The following PEBP4 variants were observed in gnomAD, a reference collection of about 807,000 sequenced individuals.
The protein encoded by PEBP4 is phosphatidylethanolamine-binding protein 4.
In PEBP4, 22 loss-of-function variants were observed where a neutral mutation model predicts 23.9. The ratio of observed to expected loss-of-function variants is 0.92; its 90% CI spans 0.66 to 1.31. The LOEUF is 1.31. Among genes scored for constraint, PEBP4 ranks in the 40% most tolerant of loss-of-function variants. The probability of loss-of-function intolerance (pLI) is 0.00; values close to 1 mark genes in which losing one functional copy is unlikely to be tolerated. For missense variants in PEBP4, 324 were observed against 281.7 expected, an observed-to-expected ratio of 1.15 and a Z score of -1.07; for synonymous variants, 112 against 99.3, an observed-to-expected ratio of 1.13 and a Z score of -0.76.
intron 5 of PEBP4, among the ~76,000 whole-genome samples, chr8:22,726,571 A>G (rs1297037516): frequency 1.3e-5 from 2 of 152,238 alleles, no homozygotes; most frequent in African/African-American, 4.8e-5. Flanking sequence ...GGGTTCACAC[A>G]TGCTAGACCA....
chr8:22,811,279 A>C (rs149332429), intron 4 of PEBP4, among the ~76,000 whole-genome samples: 1 of 152,356 alleles, frequency 6.6e-6, no homozygotes, highest in East Asian at 1.9e-4. Context: ...CACTGCTCAC[A>C]TGGATAACAG....
chr8:22,750,392 G>T (rs538544717), intron 4 of PEBP4, among the ~76,000 whole-genome samples: 1 of 152,022 alleles, frequency 6.6e-6, no homozygotes, highest in Non-Finnish European at 1.5e-5. Flanking sequence ...GAGCCACCGC[G>T]CCCAGCCAGT....
chr8:22,713,260 AT>A lies in PEBP4; in HGVS notation c.*109del, dbSNP rs768291538. ...GATACAAAGCACCAAGCCCTGGATG[AT>A]TTTTTTTTTATTTGGAAAAGAAGGG... On this transcript the variant is annotated 3_prime_UTR_variant, in exon 7 of 7. Coordinates refer to ENST00000256404, the MANE Select transcript of PEBP4 (RefSeq NM_144962.3). 1.8e-3 allele frequency: 2,401 copies of A among 1,310,236 alleles called. No homozygotes were observed. The highest frequency in any genetic ancestry group is 5.0e-3 in the South Asian group (283 of 56,112). The allele number at this position is 1,310,236 out of a possible 1,614,324, so 81.2% of individuals were successfully genotyped here.
At chr8:22,727,258 T>C (rs754988599) in intron 4 of PEBP4, 38 bp from the exon 5 acceptor site, 28 of 1,608,914 alleles carry the variant, frequency 1.7e-5, no homozygotes, top group Non-Finnish European at 2.2e-5. Context: ...GGTTATGTCT[T>C]GGGCACACTT....
chr8:22,750,636 T>C (rs1008148478), intron 4 of PEBP4, among the ~76,000 whole-genome samples: 1 of 152,184 alleles, frequency 6.6e-6, no homozygotes, highest in Admixed American at 6.5e-5. Context: ...AGTTTGTTTT[T>C]TTTCCTTGAC....
chr8:22,927,074 C>T (rs765197822), intron 2 of PEBP4, among the ~76,000 whole-genome samples: 3 of 152,214 alleles, frequency 2.0e-5, no homozygotes, highest in Non-Finnish European at 4.4e-5. Flanking sequence ...AGAAGCCAGC[C>T]TCGTCACCCA....
chr8:22,937,105 G>T (rs914787967), intron 1 of PEBP4, among the ~76,000 whole-genome samples: 2 of 152,132 alleles, frequency 1.3e-5, no homozygotes, highest in Non-Finnish European at 2.9e-5. Context: ...GAGCAATTAT[G>T]CAAGAAAAGA....
At chr8:22,777,926 C>T (rs1347520247) in intron 4 of PEBP4, among the ~76,000 whole-genome samples, 1 of 152,182 alleles carries the variant, frequency 6.6e-6, no homozygotes, top group Non-Finnish European at 1.5e-5. Flanking sequence ...TACAGCCCCC[C>T]TCCGCTCTCC....
chr8:22,813,972 C>A (rs1035355471), intron 4 of PEBP4, among the ~76,000 whole-genome samples: 21 of 152,280 alleles, frequency 1.4e-4, no homozygotes, highest in African/African-American at 4.8e-4. Flanking sequence ...GAGGGCAGAG[C>A]CTTCCTCAAT....
At chr8:22,759,776 C>T (rs1805468647) in intron 4 of PEBP4, among the ~76,000 whole-genome samples, 1 of 152,210 alleles carries the variant, frequency 6.6e-6, no homozygotes, top group African/African-American at 2.4e-5. Flanking sequence ...TTCCGCGTAC[C>T]CGTGCCGTCT....
chr8:22,820,980 G>A (rs1221145500), intron 3 of PEBP4, among the ~76,000 whole-genome samples: 1 of 151,930 alleles, frequency 6.6e-6, no homozygotes, highest in Non-Finnish European at 1.5e-5. Context: ...GATTGCTTGA[G>A]CCCAGGAGTT....
At chr8:22,903,099 C>T (rs1282191104) in intron 3 of PEBP4, among the ~76,000 whole-genome samples, 6 of 152,154 alleles carry the variant, frequency 3.9e-5, no homozygotes, top group Admixed American at 3.9e-4. Context: ...GCTCTGATAG[C>T]CTTCTACTCC....
At chr8:22,819,521 G>T (rs1403295428) in intron 3 of PEBP4, among the ~76,000 whole-genome samples, 1 of 152,300 alleles carries the variant, frequency 6.6e-6, no homozygotes, top group African/African-American at 2.4e-5. Flanking sequence ...ATCATAAAAA[G>T]GGAAATTTTG....
intron 2 of PEBP4, among the ~76,000 whole-genome samples, chr8:22,922,247 T>C (rs1448362345): frequency 6.6e-6 from 1 of 152,138 alleles, no homozygotes; most frequent in Non-Finnish European, 1.5e-5. Flanking sequence ...TGCAGGCCTC[T>C]GCCCTGCTCA....
intron 4 of PEBP4, among the ~76,000 whole-genome samples, chr8:22,768,367 A>G (rs1805650409): frequency 6.6e-6 from 1 of 152,142 alleles, no homozygotes; most frequent in Admixed American, 6.5e-5. Flanking sequence ...CTAGCACAGT[A>G]AGAGCATGGG....
At chr8:22,750,669 T>A (rs1296667677) in intron 4 of PEBP4, among the ~76,000 whole-genome samples, 1 of 152,154 alleles carries the variant, frequency 6.6e-6, no homozygotes, top group Admixed American at 6.5e-5. Flanking sequence ...TGTGATTGCA[T>A]TCTGGCTGGG....
rs11995796 is a variant in PEBP4 at position 22,867,613 on chromosome 8, C to A, written c.259-49878G>T. ...GTTCACTGCCCTTCCCCCTCTGGCT[C>A]CAGCCTTCTTGGAAACAAGCCTGAC... On this transcript the variant is annotated intron_variant, in intron 3 of 6. Coordinates refer to ENST00000256404, the MANE Select transcript of PEBP4 (RefSeq NM_144962.3). 8.2e-3 allele frequency among the ~76,000 whole-genome samples: 1,254 copies of A among 152,288 alleles called. 15 individuals carry two copies. Among genetic ancestry groups the A allele is most frequent in the African/African-American group, 0.028 (1,179 of 41,566 alleles).
intron 4 of PEBP4, among the ~76,000 whole-genome samples, chr8:22,762,071 T>C (rs1051008716): frequency 2.0e-5 from 3 of 150,944 alleles, no homozygotes; most frequent in Non-Finnish European, 2.9e-5. Flanking sequence ...TTAACCCCTA[T>C]GTTAGTTTGC....
At chr8:22,715,270 A>C (rs952754675) in intron 6 of PEBP4, among the ~76,000 whole-genome samples, 1 of 152,178 alleles carries the variant, frequency 6.6e-6, no homozygotes, top group Non-Finnish European at 1.5e-5. Flanking sequence ...GGGTTCTCCT[A>C]GGAGGCTCAG....
Sources: allele counts gnomAD v4.1 joint callset (sites outside exome capture counted in the v4.1 genomes callset), GRCh38; gene constraint gnomAD v4.1.1; transcripts MANE v1.5; gene names NCBI Gene and HGNC (gene_info 2026-07-23, HGNC 2026-07-21).